The following RP1 variants were observed in gnomAD, a reference collection of about 807,000 sequenced individuals.
RP1 encodes the protein oxygen-regulated protein 1.
Under a neutral mutation model 14.8 loss-of-function variants are expected in RP1, and 16 were observed. That is an observed-to-expected ratio of 1.08 (90% CI 0.73 to 1.65). The LOEUF (loss-of-function observed/expected upper bound fraction) is 1.65. Ranked by LOEUF, RP1 falls within the 40% of genes most tolerant of loss-of-function variation. RP1 has a pLI of 0.00. For synonymous variants in RP1, 876 were observed against 883.6 expected, an observed-to-expected ratio of 0.99 and a Z score of 0.15; for missense variants, 2,631 against 2,535.0, an observed-to-expected ratio of 1.04 and a Z score of -0.81.
chr8:54,741,039 A>C (rs1285899815), intron 19 of RP1, among the ~76,000 whole-genome samples: 5 of 151,762 alleles, frequency 3.3e-5, no homozygotes, highest in Non-Finnish European at 7.4e-5. Context: ...TTTGTCTCAA[A>C]AAAAAAAAAA....
rs1812442423 is a variant in RP1 at position 54,865,705 on chromosome 8, G to A, written c.4070-130G>A. 3.8e-5 allele frequency: 15 copies of A among 394,562 alleles called. No individual in the cohort carries two copies. The South Asian group carries it at 2.0e-3, about 52-fold the overall frequency. The allele number at this position is 394,562 out of a possible 1,614,324, so 24.4% of individuals were successfully genotyped here. A position where few individuals can be genotyped will look rare whatever the true frequency, so the allele number is the denominator to read the frequency against. ...TTTCATTTCTCTACGGGCATAATTT[G>A]CATGTGCATATTTTTGTACCTTGAC... is the stretch of plus-strand genomic sequence containing the variant. On this transcript the variant is annotated intron_variant, in intron 27 of 28. Coordinates refer to the RP1 transcript ENST00000637698.
intron 1 of RP1, among the ~76,000 whole-genome samples, chr8:54,595,375 C>T (rs551002724): frequency 7.9e-5 from 12 of 152,208 alleles, no homozygotes; most frequent in African/African-American, 1.2e-4. Flanking sequence ...GTGATCCGCC[C>T]GCCTCAGCCT....
chr8:54,806,769 C>A (rs116515883), intron 24 of RP1, among the ~76,000 whole-genome samples: 4,242 of 152,102 alleles, frequency 0.028, 111 homozygotes, highest in African/African-American at 0.062. Flanking sequence ...AAAAAAAATT[C>A]TTTGTTTTTA....
chr8:54,837,171 C>T (rs1001725230), intron 24 of RP1, among the ~76,000 whole-genome samples: 2 of 152,026 alleles, frequency 1.3e-5, no homozygotes, highest in Admixed American at 6.6e-5. Flanking sequence ...ATAATAATTA[C>T]AATAAAATAT....
intron 24 of RP1, among the ~76,000 whole-genome samples, chr8:54,798,615 A>C (rs1472703695): frequency 4.6e-5 from 7 of 152,192 alleles, no homozygotes; most frequent in Non-Finnish European, 8.8e-5. Flanking sequence ...ACAGAGGCAA[A>C]AGATCATTAT....
intron 8 of RP1, among the ~76,000 whole-genome samples, chr8:54,677,756 A>C (rs1585599313): frequency 6.6e-6 from 1 of 152,230 alleles, no homozygotes. Flanking sequence ...AATAAAAGAA[A>C]AAAATAAATT....
At chr8:54,602,283 G>A (rs1256780346) in intron 1 of RP1, among the ~76,000 whole-genome samples, 12 of 152,086 alleles carry the variant, frequency 7.9e-5, no homozygotes, top group East Asian at 1.9e-4. Flanking sequence ...GAGAACATGC[G>A]GTGTTTGGTT....
intron 26 of RP1, among the ~76,000 whole-genome samples, chr8:54,854,983 T>C (rs912166616): frequency 6.6e-6 from 1 of 152,226 alleles, no homozygotes; most frequent in African/African-American, 2.4e-5. Context: ...ATTCACATTA[T>C]TGTGTAAGCA....
intron 24 of RP1, among the ~76,000 whole-genome samples, chr8:54,802,516 A>G (rs11785985): frequency 0.27 from 40,562 of 152,192 alleles, 6,366 homozygotes; most frequent in Middle Eastern, 0.47. Context: ...TTCTTAGGAA[A>G]GATATGATGA....
rs140546444 is a variant in RP1 at position 54,596,894 on chromosome 8, C to G, written c.-12-24061C>G. On this transcript the variant is annotated intron_variant, in intron 1 of 22. Coordinates refer to the RP1 transcript ENST00000636932. ...GAAATAATTTCCTTCCTTTCTATTC[C>G]TATTCTCATTACTCTAAGTCAAGCC... Among the ~76,000 whole-genome samples, 29 of 152,140 alleles carry G rather than the reference C, an allele frequency of 1.9e-4. No individual in the cohort carries two copies. The East Asian group carries it at 2.5e-3, about 13-fold the overall frequency.
chr8:54,801,703 T>C (rs534302107), intron 24 of RP1, among the ~76,000 whole-genome samples: 1 of 152,186 alleles, frequency 6.6e-6, no homozygotes, highest in Admixed American at 6.5e-5. Context: ...CAAACTCTTA[T>C]GCTTCCCATA....
exon 21 of RP1, chr8:54,755,745 T>A: frequency 1.3e-6 from 2 of 1,526,554 alleles, no homozygotes; most frequent in Non-Finnish European, 1.8e-6. Context: ...AAATCTAACA[T>A]GCAAGTAAAA....
At position 54,625,912 on chromosome 8, in the gene RP1, G is replaced by A. The variant is rs940904438; in HGVS notation, c.2030G>A (p.Arg677Gln). ...GCCAGCAAAAAGAAGAAAAAATCTCGACAGCAAGCAATAAATTCCAGGTAT... is the reference window on the plus strand; with the variant it reads ...GCCAGCAAAAAGAAGAAAAAATCTCAACAGCAAGCAATAAATTCCAGGTAT... Reference protein sequence around the residue: ...SVASKKKKKSRQQAINSRYQD... With the variant: ...SVASKKKKKSQQQAINSRYQD... The change falls in exon 4 of 4, where the codon CGA becomes CAA. Residue 677 changes from arginine (R) to glutamine (Q), a missense_variant. Physicochemically the swap from Arg to Gln is conservative, Grantham distance 43. Transcript: ENST00000220676. The A allele has an allele frequency of 3.7e-6, 6 of 1,613,712 alleles. No individual in the cohort carries two copies. Among genetic ancestry groups the A allele is most frequent in the East Asian group, 2.2e-5 (1 of 44,842 alleles).
Position 54,583,566 on chromosome 8 carries a change from G to C in RP1, c.-13+24246G>C, listed in dbSNP as rs183867263. On this transcript the variant is annotated intron_variant, in intron 1 of 22. Coordinates refer to the RP1 transcript ENST00000636932. ...TTTTCTATTGATTGGAATAGTTTCAGAAGGAATGGTACCAGTTCCTCCTTG... is the reference window on the plus strand; with the variant it reads ...TTTTCTATTGATTGGAATAGTTTCACAAGGAATGGTACCAGTTCCTCCTTG... 5.4e-3 allele frequency among the ~76,000 whole-genome samples: 819 copies of C among 152,292 alleles called. 2 individuals carry two copies. The highest frequency in any genetic ancestry group is 8.6e-3 in the Non-Finnish European group (588 of 68,022).
chr8:54,792,955 A>G (rs1382747280), intron 24 of RP1, among the ~76,000 whole-genome samples: 1 of 151,752 alleles, frequency 6.6e-6, no homozygotes, highest in Admixed American at 6.6e-5. Flanking sequence ...TAATCGAGAA[A>G]AAAAGTGGGA....
intron 24 of RP1, among the ~76,000 whole-genome samples, chr8:54,835,551 G>A (rs1811636943): frequency 6.6e-6 from 1 of 152,038 alleles, no homozygotes; most frequent in Non-Finnish European, 1.5e-5. Flanking sequence ...CTTTAGATTA[G>A]ATATATTTAG....
intron 24 of RP1, among the ~76,000 whole-genome samples, chr8:54,818,536 C>G (rs1462260689): frequency 6.6e-6 from 1 of 152,180 alleles, no homozygotes. Context: ...AGGCTAATGA[C>G]AGACCTCTTG....
chr8:54,726,348 G>T (rs1193272285), exon 17 of RP1: 5 of 1,516,712 alleles, frequency 3.3e-6, no homozygotes, highest in East Asian at 4.9e-5. Flanking sequence ...ATTTCAGTTG[G>T]CAGAGAAAAC....
chr8:54,745,823 G>A (rs1809211167), intron 19 of RP1, among the ~76,000 whole-genome samples: 1 of 151,982 alleles, frequency 6.6e-6, no homozygotes, highest in Non-Finnish European at 1.5e-5. Flanking sequence ...CTTAATATCA[G>A]TGCACTTTTT....
Sources: gnomAD v4.1 joint callset for allele counts (sites outside exome capture counted in the v4.1 genomes callset) on GRCh38, gnomAD v4.1.1 for gene constraint, MANE v1.5 for transcripts, NCBI Gene and HGNC (gene_info 2026-07-23, HGNC 2026-07-21) for gene names.